Variants in MSI2 observed in about 807,000 individuals in gnomAD.
MSI2 encodes RNA-binding protein Musashi homolog 2.
MSI2 carries 17 observed loss-of-function variants against 45.6 expected under a neutral mutation model. The observed-to-expected ratio is 0.37, with a 90% confidence interval of 0.26 to 0.56. The LOEUF (loss-of-function observed/expected upper bound fraction) is 0.56, where lower values mean the gene tolerates loss of function less well. MSI2 is among the 20% of genes least tolerant of loss of function. The probability of loss-of-function intolerance (pLI) is 0.77; values close to 1 mark genes in which losing one functional copy is unlikely to be tolerated. For synonymous variants in MSI2, 156 were observed against 158.2 expected (o/e 0.99, Z 0.11); for missense variants, 293 against 444.2 (o/e 0.66, Z 3.06).
chr17:57,574,170 C>A (rs1392944777), intron 7 of MSI2, among the ~76,000 whole-genome samples: 1 of 152,158 alleles, frequency 6.6e-6, no homozygotes, highest in Non-Finnish European at 1.5e-5. Flanking sequence ...CCATCCTAGC[C>A]CCAGCAATGC....
chr17:57,690,285 T>G, the MSI2 span, among the ~76,000 whole-genome samples: 1 of 152,068 alleles, frequency 6.6e-6, no homozygotes, highest in Non-Finnish European at 1.5e-5. Context: ...TCTTCTTTGA[T>G]GAAGTACTTG....
intron 5 of MSI2, among the ~76,000 whole-genome samples, chr17:57,276,062 T>C (rs1908817533): frequency 6.6e-6 from 1 of 152,206 alleles, no homozygotes; most frequent in Non-Finnish European, 1.5e-5. Flanking sequence ...TCTACTGGTT[T>C]ATTTTGACAA....
At chr17:57,699,791 C>T in the MSI2 span, among the ~76,000 whole-genome samples, 1 of 152,224 alleles carries the variant, frequency 6.6e-6, no homozygotes, top group Non-Finnish European at 1.5e-5. Context: ...GCACCCCCCA[C>T]GGAAGAGGGG....
At chr17:57,692,760 T>C in the MSI2 span, among the ~76,000 whole-genome samples, 4 of 152,240 alleles carry the variant, frequency 2.6e-5, no homozygotes, top group East Asian at 7.7e-4. Flanking sequence ...TTTAAAGATG[T>C]TACTCCATTG....
intron 7 of MSI2, among the ~76,000 whole-genome samples, chr17:57,557,695 C>A (rs908021086): frequency 6.6e-6 from 1 of 152,234 alleles, no homozygotes; most frequent in Non-Finnish European, 1.5e-5. Flanking sequence ...TGTACATTCG[C>A]TCCCCAGTGG....
chr17:57,647,274 CAAAAAAAAAA>C lies in MSI2; in HGVS notation c.728-4808_728-4799del, dbSNP rs33915774. On this transcript the variant is annotated intron_variant, in intron 10 of 13. Transcript: ENST00000284073. ...TGAAATCTCGACTCTACTAAAAATA[CAAAAAAAAAA>C]AAAAAAAAAAAAAAAATAGCCAGGA... Among the ~76,000 whole-genome samples the C allele has an allele frequency of 1.2e-3, 45 of 37,674 alleles. 1 individual carries two copies. The highest frequency in any genetic ancestry group is 2.8e-3 in the South Asian group (2 of 716). 24.7% of individuals were successfully genotyped at this position (37,674 alleles called of 152,430 possible). A position where few individuals can be genotyped will look rare whatever the true frequency, so the allele number is the denominator to read the frequency against.
chr17:57,627,382 G>C lies in MSI2; in HGVS notation c.727+79G>C, dbSNP rs1356250452. ...GCGGGGAGGTGAGAGGACCCCTAAA[G>C]AGAATGCATTTCTTACATGCATCCA... On this transcript the variant is annotated intron_variant, in intron 10 of 13. Transcript: ENST00000284073. This position sits in a 1 kb window ranked among gnomAD's most constrained non-coding sequence, Gnocchi z 4.6. 8.0e-7 allele frequency: 1 copy of C among 1,250,302 alleles called. No individual in the cohort carries two copies. The highest frequency in any genetic ancestry group is 1.5e-5 in the African/African-American group (1 of 67,496). The allele number at this position is 1,250,302 out of a possible 1,614,324, so 77.5% of individuals were successfully genotyped here.
chr17:57,652,073 C>T lies in MSI2; in HGVS notation c.728-26C>T, dbSNP rs1328414297. ...GGCCCTTTCAAGGATTCCTCCATGA[C>T]TCAGGCTCCTCTCTCTCCTGACCAG... On this transcript the variant is annotated intron_variant, in intron 10 of 13. Transcript: ENST00000284073. The surrounding 1 kb of genome is among the most constrained non-coding windows in gnomAD (Gnocchi z 4.1). 6.2e-7 allele frequency: 1 copy of T among 1,612,080 alleles called. No individual in the cohort carries two copies. Among genetic ancestry groups the T allele is most frequent in the African/African-American group, 1.3e-5 (1 of 74,970 alleles).
At position 57,575,716 on chromosome 17, in the gene MSI2, C is replaced by T. The variant is rs372392551; in HGVS notation, c.455-21152C>T. Among the ~76,000 whole-genome samples the T allele has an allele frequency of 3.9e-4, 59 of 152,016 alleles. 1 individual carries two copies. The South Asian group carries it at 0.011, about 27-fold the overall frequency. On this transcript the variant is annotated intron_variant, in intron 7 of 13. Transcript: ENST00000284073. ...ATCCCAGCACTTTGGGAGGCTGAGGCGGGTGGATCACGAGGTCAGGAGATC... is the reference window on the plus strand; with the variant it reads ...ATCCCAGCACTTTGGGAGGCTGAGGTGGGTGGATCACGAGGTCAGGAGATC...
intron 8 of MSI2, among the ~76,000 whole-genome samples, chr17:57,598,745 C>G (rs1407820083): frequency 6.6e-6 from 1 of 152,110 alleles, no homozygotes; most frequent in African/African-American, 2.4e-5. Context: ...TCACTGCAAC[C>G]TCCGCCTCCC....
chr17:57,645,072 A>G (rs1910549556), intron 10 of MSI2, among the ~76,000 whole-genome samples: 1 of 152,216 alleles, frequency 6.6e-6, no homozygotes, highest in Non-Finnish European at 1.5e-5. Context: ...TTTCAGTGGT[A>G]ACTAAAAACA....
At chr17:57,544,106 AGT>A (rs145151875) in intron 7 of MSI2, among the ~76,000 whole-genome samples, 14,531 of 151,958 alleles carry the variant, frequency 0.096, 902 homozygotes, top group Non-Finnish European at 0.15. Context: ...TTGCTTGCAG[AGT>A]GTGTGTGCCT....
chr17:57,290,589 A>G (rs1910320537), intron 5 of MSI2, among the ~76,000 whole-genome samples: 1 of 152,196 alleles, frequency 6.6e-6, no homozygotes, highest in Admixed American at 6.5e-5. Context: ...TTGGGATTAC[A>G]AGTGTGAACT....
At chr17:57,450,720 C>A (rs2085003083) in intron 6 of MSI2, among the ~76,000 whole-genome samples, 1 of 150,016 alleles carries the variant, frequency 6.7e-6, no homozygotes, top group South Asian at 2.1e-4. Flanking sequence ...CAAAAGTCCC[C>A]TTGTACAATT....
At chr17:57,477,257 A>T (rs1448814193) in intron 6 of MSI2, among the ~76,000 whole-genome samples, 2 of 150,806 alleles carry the variant, frequency 1.3e-5, no homozygotes, top group Non-Finnish European at 2.9e-5. Flanking sequence ...TAAACACAGC[A>T]GGTGGGCCCC....
At chr17:57,350,070 A>G (rs1262522231) in intron 5 of MSI2, among the ~76,000 whole-genome samples, 1 of 152,198 alleles carries the variant, frequency 6.6e-6, no homozygotes, top group Non-Finnish European at 1.5e-5. Flanking sequence ...ATTATAAATG[A>G]ACCATATGGA....
intron 10 of MSI2, among the ~76,000 whole-genome samples, chr17:57,645,028 T>C (rs1910545599): frequency 6.6e-6 from 1 of 152,154 alleles, no homozygotes. Flanking sequence ...CATGACGTAA[T>C]ACTCCCCAGC....
At position 57,683,832 on chromosome 17, in the gene MSI2, C is replaced by T. The variant is rs568113271; in HGVS notation, c.*4315C>T. The T allele has an allele frequency of 1.2e-4, 29 of 232,424 alleles. No individual in the cohort carries two copies. The highest frequency in any genetic ancestry group is 2.8e-4 in the Admixed American group (5 of 17,774). 14.4% of individuals were successfully genotyped at this position (232,424 alleles called of 1,614,324 possible). A position where few individuals can be genotyped will look rare whatever the true frequency, so the allele number is the denominator to read the frequency against. Reference sequence around the variant, plus strand: ...CACCCCAAAGCAGAAAACTAGCAGACGTCAGCTCAGCCCCGTCCTGGGCAC... The same window carrying T: ...CACCCCAAAGCAGAAAACTAGCAGATGTCAGCTCAGCCCCGTCCTGGGCAC... On this transcript the variant is annotated 3_prime_UTR_variant, in exon 14 of 14. Transcript: ENST00000284073. The surrounding 1 kb of genome is among the most constrained non-coding windows in gnomAD (Gnocchi z 5.2).
At chr17:57,569,753 C>A (rs1234752449) in intron 7 of MSI2, among the ~76,000 whole-genome samples, 1 of 152,144 alleles carries the variant, frequency 6.6e-6, no homozygotes, top group East Asian at 1.9e-4. Context: ...AAAACTGGAC[C>A]CCGAATGAAT....
Sources: allele counts gnomAD v4.1 joint callset (sites outside exome capture counted in the v4.1 genomes callset), GRCh38; gene constraint gnomAD v4.1.1; non-coding constraint Gnocchi (gnomAD v3.1); transcripts MANE v1.5; gene names NCBI Gene and HGNC (gene_info 2026-07-23, HGNC 2026-07-21).